RAP1GAP2: variants seen among roughly 807,000 people sequenced by gnomAD.
RAP1GAP2 encodes the protein RAP1 GTPase activating protein 2.
A neutral mutation model predicts 95.0 loss-of-function variants in RAP1GAP2; 27 were observed. That is an observed-to-expected ratio of 0.28 (90% confidence interval 0.21 to 0.39). RAP1GAP2 has a LOEUF of 0.39. Ranked by LOEUF, RAP1GAP2 falls within the 10% of genes least tolerant of loss-of-function variation. The probability of loss-of-function intolerance (pLI) is 1.00; values close to 1 mark genes in which losing one functional copy is unlikely to be tolerated. For synonymous variants in RAP1GAP2, 373 were observed against 380.9 expected (o/e 0.98, Z 0.24); for missense variants, 771 against 970.0 (o/e 0.79, Z 2.72).
rs1351971974 is a variant in RAP1GAP2, at chr17:2,907,996, G to A, written c.165+2628G>A. On this transcript the variant is annotated intron_variant, in intron 3 of 24. Transcript: ENST00000254695. ...TAACTTTTGTATTTTTAGTAGAGAC[G>A]GGGATTCACCATGTTGGCCAGGCTG... 2.6e-5 allele frequency among the ~76,000 whole-genome samples: 4 copies of A among 151,874 alleles called. 1 individual carries two copies. The highest frequency in any genetic ancestry group is 2.0e-4 in the Admixed American group (3 of 15,254).
intron 1 of RAP1GAP2, among the ~76,000 whole-genome samples, chr17:2,765,515 G>A (rs1049635043): frequency 1.3e-5 from 2 of 152,042 alleles, no homozygotes; most frequent in African/African-American, 2.4e-5. Flanking sequence ...TGAGGCAGGC[G>A]GATCATTTGA....
upstream of RAP1GAP2, among the ~76,000 whole-genome samples, chr17:2,792,828 C>T (rs753078854): frequency 3.3e-5 from 5 of 152,336 alleles, no homozygotes; most frequent in South Asian, 4.2e-4. Context: ...TCCAGGCTGC[C>T]GTTCAGATGT....
chr17:2,789,781 G>GA (rs35791780), intron 1 of RAP1GAP2, among the ~76,000 whole-genome samples: 20,589 of 71,846 alleles, frequency 0.29, 3,703 homozygotes, highest in Non-Finnish European at 0.35. Context: ...GACTCCATCT[G>GA]AAAAAAAAAA....
chr17:2,917,187 G>T (rs1187716298), intron 3 of RAP1GAP2, among the ~76,000 whole-genome samples: 1 of 152,214 alleles, frequency 6.6e-6, no homozygotes, highest in Non-Finnish European at 1.5e-5. Flanking sequence ...TTCTTAAGAA[G>T]TTGAAGCAAT....
At chr17:2,991,465 C>T in intron 12 of RAP1GAP2, 68 bp downstream of exon 12, 16 of 1,248,562 alleles carry the variant, frequency 1.3e-5, no homozygotes, top group Admixed American at 2.0e-5. Flanking sequence ...CAAGACAGCT[C>T]AGTCCTCAGG....
intron 2 of RAP1GAP2, among the ~76,000 whole-genome samples, chr17:2,829,523 A>G (rs1462929769): frequency 2.0e-5 from 3 of 152,204 alleles, no homozygotes; most frequent in African/African-American, 4.8e-5. Context: ...TCTAGCAGGC[A>G]GCCCTGTCTT....
chr17:2,961,535 A>G (rs1277910551), intron 4 of RAP1GAP2, among the ~76,000 whole-genome samples: 1 of 152,254 alleles, frequency 6.6e-6, no homozygotes, highest in Non-Finnish European at 1.5e-5. Context: ...ACAAACAAAC[A>G]AACAAAACTG....
intron 2 of RAP1GAP2, among the ~76,000 whole-genome samples, chr17:2,803,256 A>T (rs934198260): frequency 5.9e-5 from 9 of 152,192 alleles, no homozygotes; most frequent in Non-Finnish European, 7.4e-5. Flanking sequence ...CGATATTGGG[A>T]TGATAGCTTG....
chr17:3,022,332 A>G (rs1216907401), intron 19 of RAP1GAP2, among the ~76,000 whole-genome samples: 1 of 152,220 alleles, frequency 6.6e-6, no homozygotes, highest in East Asian at 1.9e-4. Context: ...AAATAGTGCA[A>G]CTACTTTGGA....
intron 2 of RAP1GAP2, among the ~76,000 whole-genome samples, chr17:2,876,815 G>C (rs1384018339): frequency 6.6e-6 from 1 of 151,972 alleles, no homozygotes; most frequent in Non-Finnish European, 1.5e-5. Context: ...GCTAACTTTG[G>C]AATGCCCTTG....
At chr17:2,865,641 G>A (rs2072586524) in intron 2 of RAP1GAP2, among the ~76,000 whole-genome samples, 1 of 152,156 alleles carries the variant, frequency 6.6e-6, no homozygotes, top group Admixed American at 6.5e-5. Flanking sequence ...ATCTGAAAAC[G>A]AGATCTGCAA....
upstream of RAP1GAP2, among the ~76,000 whole-genome samples, chr17:2,792,324 C>T (rs144521285): frequency 5.2e-4 from 79 of 152,310 alleles, 1 homozygote; most frequent in East Asian, 0.013. Flanking sequence ...TAGCAGCTCC[C>T]GTGACGGCCT....
chr17:2,820,892 G>GTTTTTTTTT (rs59814346), intron 2 of RAP1GAP2, among the ~76,000 whole-genome samples: 9 of 104,078 alleles, frequency 8.6e-5, no homozygotes, highest in South Asian at 3.6e-4. Context: ...CCGGATAATG[G>GTTTTTTTTT]TTTTTTTTTT....
At chr17:2,974,355 A>T (rs2045014813) in intron 8 of RAP1GAP2, among the ~76,000 whole-genome samples, 1 of 151,970 alleles carries the variant, frequency 6.6e-6, no homozygotes, top group Non-Finnish European at 1.5e-5. Context: ...TCTCAAAAAA[A>T]AAAAAGAAGG....
At chr17:2,968,142 C>T (rs1256822505) in intron 8 of RAP1GAP2, among the ~76,000 whole-genome samples, 5 of 151,998 alleles carry the variant, frequency 3.3e-5, no homozygotes, top group Admixed American at 3.3e-4. Context: ...TTGAATTTTC[C>T]ACAAACCTCT....
rs768493495 is a variant in RAP1GAP2, at chr17:3,026,097, C to T, written c.1841C>T (p.Pro614Leu). 4.3e-6 allele frequency: 7 copies of T among 1,612,444 alleles called. No individual in the cohort carries two copies. Among genetic ancestry groups the T allele is most frequent in the Non-Finnish European group, 5.9e-6 (7 of 1,178,536 alleles). Residue 614 changes from proline to leucine, a missense_variant, in exon 20 of 25, where the codon CCG becomes CTG. By Grantham distance (98) the Pro-to-Leu change is moderately conservative. Transcript: ENST00000254695. ...GAGACCTCATCCAATCCCAGCTCTC[C>T]GGAAATCTGCCCCAACAAGGAGAAG... is the stretch of plus-strand genomic sequence containing the variant. ...KSETSSNPSS[P>L]EICPNKEKPF...
chr17:2,911,711 G>T (rs2042388476), intron 3 of RAP1GAP2, among the ~76,000 whole-genome samples: 1 of 151,058 alleles, frequency 6.6e-6, no homozygotes, highest in Non-Finnish European at 1.5e-5. Flanking sequence ...GGGCGGGGTG[G>T]GGCAGCCGGA....
intron 4 of RAP1GAP2, 89 bp downstream of exon 4, chr17:2,957,883 CGGGTGCCCTGGACG>C: frequency 7.5e-7 from 1 of 1,339,032 alleles, no homozygotes; most frequent in African/African-American, 1.5e-5. Flanking sequence ...GGGCAGAAGC[CGGGTGCCCTGGACG>C]GGGGTGCAGA....
intron 1 of RAP1GAP2, among the ~76,000 whole-genome samples, chr17:2,769,628 A>G (rs140638046): frequency 5.3e-5 from 8 of 152,272 alleles, no homozygotes; most frequent in African/African-American, 1.7e-4. Flanking sequence ...AATAAGTCCA[A>G]TGTCTTAGCC....
Sources: gnomAD v4.1 joint callset for allele counts (sites outside exome capture counted in the v4.1 genomes callset) on GRCh38, gnomAD v4.1.1 for gene constraint, MANE v1.5 for transcripts, NCBI Gene and HGNC (gene_info 2026-07-23, HGNC 2026-07-21) for gene names.